PCDHGA5: variants seen among roughly 807,000 people sequenced by gnomAD.
The protein encoded by PCDHGA5 is protocadherin gamma-A5.
In PCDHGA5, 36 loss-of-function variants were observed where a neutral mutation model predicts 56.7. The observed-to-expected ratio is 0.64, with a 90% CI of 0.49 to 0.84. The LOEUF (loss-of-function observed/expected upper bound fraction) is 0.84. PCDHGA5 is among the 40% of genes least tolerant of loss of function. The pLI is 0.00. For missense variants in PCDHGA5, 1,305 were observed against 1,201.5 expected (o/e 1.09, Z -1.27); for synonymous variants, 563 against 520.2 (o/e 1.08, Z -1.12).
At position 141,365,905 on chromosome 5, in the gene PCDHGA5, G is replaced by A. The variant is rs539434078; in HGVS notation, c.1575G>A (p.Leu525=). ...TGAGATCCTTCGACTATGAGCAGTT[G>A]AGAGACCTACAGTTGTGGGTGACAG... is the stretch of plus-strand genomic sequence containing the variant. ...YALRSFDYEQ[L]RDLQLWVTAS... is the part of the protein sequence containing the mutation. Residue 525 remains leucine, a synonymous_variant, in exon 1 of 4, where the codon TTG becomes TTA. Coordinates refer to ENST00000518069, the MANE Select transcript of PCDHGA5 (RefSeq NM_018918.3). 2 of 1,614,190 alleles carry A rather than the reference G, an allele frequency of 1.2e-6. No homozygotes were observed. The highest frequency in any genetic ancestry group is 2.2e-5 in the East Asian group (1 of 44,886).
chr5:141,378,013 A>G (rs2150121328), intron 1 of PCDHGA5: 1 of 152,212 alleles, frequency 6.6e-6, no homozygotes, highest in East Asian at 1.9e-4. Context: ...AATAAGCTCT[A>G]CTTATATTAT....
chr5:141,415,007 G>A (rs369009151), intron 1 of PCDHGA5: 1 of 1,613,654 alleles, frequency 6.2e-7, no homozygotes, highest in South Asian at 1.1e-5. Flanking sequence ...CTGTCCTACC[G>A]TCTGCTCAAG....
chr5:141,430,832 G>A (rs1398773861), intron 1 of PCDHGA5: 1 of 1,555,686 alleles, frequency 6.4e-7, no homozygotes, highest in South Asian at 1.3e-5. Flanking sequence ...GACTCTGTGG[G>A]AGACCGGATG....
chr5:141,462,161 T>G (rs1592764918), intron 1 of PCDHGA5, among the ~76,000 whole-genome samples: 1 of 152,148 alleles, frequency 6.6e-6, no homozygotes, highest in Non-Finnish European at 1.5e-5. Flanking sequence ...GGTTTCATCA[T>G]GTTGGCCAGG....
chr5:141,374,718 T>A (rs1462422521), intron 1 of PCDHGA5: 6 of 1,609,996 alleles, frequency 3.7e-6, no homozygotes, highest in Non-Finnish European at 5.1e-6. Context: ...CGCCTGGTCC[T>A]TACTGCCATG....
At chr5:141,468,330 C>CAAAAA (rs533390277) in intron 1 of PCDHGA5, 4 of 79,848 alleles carry the variant, frequency 5.0e-5, no homozygotes, top group African/African-American at 7.8e-5. Context: ...AACTCCATCT[C>CAAAAA]AAAAAAAAAA....
chr5:141,443,457 G>C (rs977253701), intron 1 of PCDHGA5, among the ~76,000 whole-genome samples: 12 of 152,194 alleles, frequency 7.9e-5, no homozygotes, highest in Non-Finnish European at 1.3e-4. Flanking sequence ...CTGTACTCCA[G>C]TCTGGGTGAC....
intron 1 of PCDHGA5, among the ~76,000 whole-genome samples, chr5:141,372,993 T>G (rs977934205): frequency 1.3e-5 from 2 of 152,356 alleles, no homozygotes; most frequent in African/African-American, 4.8e-5. Context: ...TTGCAGTTGT[T>G]CTTTCATAGA....
intron 1 of PCDHGA5, 79 bp from the exon 2 acceptor site, chr5:141,494,728 C>T (rs2099756337): frequency 1.2e-6 from 2 of 1,609,984 alleles, no homozygotes; most frequent in Admixed American, 3.3e-5. Context: ...TCCTTCTCTC[C>T]CGGCCCATCC....
At chr5:141,389,745 A>G in intron 1 of PCDHGA5, 1 of 1,612,748 alleles carries the variant, frequency 6.2e-7, no homozygotes, top group Non-Finnish European at 8.5e-7. Context: ...GGGGCTGCGC[A>G]CGGGCGAAGT....
At chr5:141,377,892 CT>C (rs946360367) in intron 1 of PCDHGA5, 2 of 152,170 alleles carry the variant, frequency 1.3e-5, no homozygotes, top group Non-Finnish European at 2.9e-5. Context: ...TAGGATCCCC[CT>C]CTGTTGCCCA....
Position 141,399,778 on chromosome 5 carries a change from C to G in PCDHGA5, c.2421+33027C>G, listed in dbSNP as rs187080333. ...GAGCCTGCGCGTGTTGGTGGGCGACCGAAACGACAACGCACCGCGGGTGCT... is the reference window on the plus strand; with the variant it reads ...GAGCCTGCGCGTGTTGGTGGGCGACGGAAACGACAACGCACCGCGGGTGCT... On this transcript the variant is annotated intron_variant, in intron 1 of 3. Coordinates refer to ENST00000518069, the MANE Select transcript of PCDHGA5 (RefSeq NM_018918.3). The G allele has an allele frequency of 3.4e-4, 542 of 1,613,250 alleles. 2 individuals are homozygous for G. The African/African-American group carries it at 5.6e-3, about 17-fold the overall frequency.
chr5:141,503,665 C>A (rs1210514896), intron 2 of PCDHGA5, among the ~76,000 whole-genome samples: 2 of 151,792 alleles, frequency 1.3e-5, no homozygotes, highest in African/African-American at 4.8e-5. Flanking sequence ...AATTACAACT[C>A]TTCCCACTTT....
At chr5:141,416,132 A>G (rs939839074) in intron 1 of PCDHGA5, 1 of 153,964 alleles carries the variant, frequency 6.5e-6, no homozygotes, top group Non-Finnish European at 1.4e-5. Flanking sequence ...ATATTTTTCA[A>G]TCTATACTTT....
At chr5:141,456,306 G>C (rs937409031) in intron 1 of PCDHGA5, among the ~76,000 whole-genome samples, 1 of 152,158 alleles carries the variant, frequency 6.6e-6, no homozygotes, top group Non-Finnish European at 1.5e-5. Context: ...GAGAACAGCA[G>C]CTAGGGCTCC....
In PCDHGA5 at chr5:141,432,887, T is replaced by G. The variant is rs146168033; in HGVS notation, c.2422-61920T>G. 2.8e-4 allele frequency: 451 copies of G among 1,614,156 alleles called. No individual in the cohort carries two copies. In the African/African-American group the frequency reaches 4.6e-3, roughly 17 times the overall value. ...CTGCGTCTTCCTGGCCTTCGTCATC[T>G]TGCTGCTGGCGCTCAGGCTGCGGCG... is the stretch of plus-strand genomic sequence containing the variant. On this transcript the variant is annotated intron_variant, in intron 1 of 3. Transcript: ENST00000518069. The surrounding 1 kb of genome is among the most constrained non-coding windows in gnomAD (Gnocchi z 6.0).
chr5:141,403,340 G>T, intron 1 of PCDHGA5: 3 of 1,613,982 alleles, frequency 1.9e-6, no homozygotes, highest in African/African-American at 1.3e-5. Flanking sequence ...TAACGACAGC[G>T]CCCCAAAGTT....
chr5:141,399,241 T>C, intron 1 of PCDHGA5: 3 of 1,613,950 alleles, frequency 1.9e-6, no homozygotes, highest in South Asian at 1.1e-5. Flanking sequence ...TGACCAAGAT[T>C]CTGGGGAAAA....
intron 1 of PCDHGA5, chr5:141,393,707 T>G (rs1296711922): frequency 6.2e-7 from 1 of 1,613,882 alleles, no homozygotes; most frequent in East Asian, 2.2e-5. Flanking sequence ...ATGAAAATAC[T>G]GGGGAAATAT....
Sources: allele counts gnomAD v4.1 joint callset (sites outside exome capture counted in the v4.1 genomes callset), GRCh38; gene constraint gnomAD v4.1.1; non-coding constraint Gnocchi (gnomAD v3.1); transcripts MANE v1.5; gene names NCBI Gene and HGNC (gene_info 2026-07-23, HGNC 2026-07-21).